The following NME7 variants were observed in gnomAD, a reference collection of about 807,000 sequenced individuals.
NME7 encodes the protein NME/NM23 family member 7.
Under a neutral mutation model 49.1 loss-of-function variants are expected in NME7, and 41 were observed. The ratio of observed to expected loss-of-function variants is 0.83; its 90% CI spans 0.65 to 1.08. The LOEUF (loss-of-function observed/expected upper bound fraction) is 1.08, where lower values mean the gene tolerates loss of function less well. NME7 is among the 50% of genes least tolerant of loss of function. The probability of loss-of-function intolerance (pLI) is 0.00; values close to 1 mark genes in which losing one functional copy is unlikely to be tolerated. For synonymous variants in NME7, 139 were observed against 150.6 expected, an observed-to-expected ratio of 0.92 and a Z score of 0.56; for missense variants, 423 against 463.4, an observed-to-expected ratio of 0.91 and a Z score of 0.80.
chr1:169,132,858 T>G (rs531921415), intron 11 of NME7, 41 bp from the exon 12 acceptor site: 2 of 1,606,084 alleles, frequency 1.2e-6, no homozygotes, highest in African/African-American at 1.3e-5. Flanking sequence ...TCAGACAAAT[T>G]TTGGTCTTTT....
At chr1:169,343,243 G>A (rs1434630275) in intron 1 of NME7, among the ~76,000 whole-genome samples, 1 of 151,692 alleles carries the variant, frequency 6.6e-6, no homozygotes, top group Non-Finnish European at 1.5e-5. Flanking sequence ...TATAGTTATA[G>A]CCCTTACATT....
chr1:169,317,963 T>G (rs1389926042), intron 3 of NME7, among the ~76,000 whole-genome samples: 1 of 152,178 alleles, frequency 6.6e-6, no homozygotes, highest in Non-Finnish European at 1.5e-5. Flanking sequence ...AAGTAGGGGA[T>G]AGTGTACAAG....
chr1:169,222,380 T>C (rs1359063261), intron 10 of NME7, among the ~76,000 whole-genome samples: 2 of 152,178 alleles, frequency 1.3e-5, no homozygotes, highest in African/African-American at 4.8e-5. Context: ...GCATGAATGA[T>C]TGAAGGGCAA....
intron 7 of NME7, among the ~76,000 whole-genome samples, chr1:169,251,786 C>A (rs893383993): frequency 6.7e-6 from 1 of 148,390 alleles, no homozygotes; most frequent in Non-Finnish European, 1.5e-5. Context: ...GTTCAATTCC[C>A]ACCTATGAGT....
chr1:169,236,504 T>A (rs1468443769), intron 8 of NME7, among the ~76,000 whole-genome samples: 1 of 152,154 alleles, frequency 6.6e-6, no homozygotes, highest in Non-Finnish European at 1.5e-5. Flanking sequence ...TATGCTAAAC[T>A]GTAGATCTAG....
chr1:169,307,665 G>T (rs147287867), intron 4 of NME7, among the ~76,000 whole-genome samples: 1 of 152,152 alleles, frequency 6.6e-6, no homozygotes, highest in African/African-American at 2.4e-5. Flanking sequence ...GACACTAGAA[G>T]TATAGAGACA....
intron 11 of NME7, chr1:169,169,038 T>G (rs1659499608): frequency 2.3e-6 from 1 of 442,392 alleles, no homozygotes; most frequent in African/African-American, 2.1e-5. Context: ...TTCACAGAAT[T>G]TAATTATTTT....
chr1:169,207,117 G>T (rs899421255), intron 10 of NME7, among the ~76,000 whole-genome samples: 1 of 152,044 alleles, frequency 6.6e-6, no homozygotes, highest in African/African-American at 2.4e-5. Context: ...TCTGATGAGG[G>T]CCTCAGGCTG....
At chr1:169,145,036 T>C (rs1658707819) in intron 11 of NME7, among the ~76,000 whole-genome samples, 1 of 152,212 alleles carries the variant, frequency 6.6e-6, no homozygotes, top group African/African-American at 2.4e-5. Flanking sequence ...TGTGCTACTA[T>C]TGTATAACGT....
At chr1:169,227,394 G>C (rs1355048387) in intron 10 of NME7, among the ~76,000 whole-genome samples, 1 of 152,102 alleles carries the variant, frequency 6.6e-6, no homozygotes, top group Non-Finnish European at 1.5e-5. Context: ...CCTGACATTT[G>C]TCACATATCT....
At chr1:169,293,518 G>A (rs531456408) in intron 6 of NME7, among the ~76,000 whole-genome samples, 2 of 152,138 alleles carry the variant, frequency 1.3e-5, no homozygotes, top group African/African-American at 4.8e-5. Context: ...GTCATCTCTT[G>A]AGCACTCTAG....
chr1:169,147,654 A>G (rs1425227317), intron 11 of NME7, among the ~76,000 whole-genome samples: 1 of 152,238 alleles, frequency 6.6e-6, no homozygotes, highest in African/African-American at 2.4e-5. Flanking sequence ...ATGCAAATAA[A>G]TTTAATAGCA....
At chr1:169,280,699 T>C (rs1033887944) in intron 7 of NME7, among the ~76,000 whole-genome samples, 1 of 147,840 alleles carries the variant, frequency 6.8e-6, no homozygotes, top group Non-Finnish European at 1.5e-5. Context: ...CAACACTATT[T>C]ATTAAATAGG....
intron 11 of NME7, among the ~76,000 whole-genome samples, chr1:169,165,171 T>A (rs1022828685): frequency 6.6e-6 from 1 of 152,140 alleles, no homozygotes; most frequent in Non-Finnish European, 1.5e-5. Context: ...GAAAACAAAT[T>A]TCTGTATTCA....
chr1:169,290,337 A>C (rs1650448918), intron 6 of NME7, among the ~76,000 whole-genome samples: 1 of 152,198 alleles, frequency 6.6e-6, no homozygotes, highest in African/African-American at 2.4e-5. Flanking sequence ...ATGGAACAGA[A>C]CAGAGGCCTC....
chr1:169,221,827 T>C (rs1211320325), intron 10 of NME7, among the ~76,000 whole-genome samples: 2 of 152,062 alleles, frequency 1.3e-5, no homozygotes, highest in African/African-American at 4.8e-5. Flanking sequence ...TACAGGCATG[T>C]GCCACCATGC....
intron 5 of NME7, among the ~76,000 whole-genome samples, chr1:169,300,675 T>C (rs1162049664): frequency 6.6e-6 from 1 of 151,938 alleles, no homozygotes; most frequent in Non-Finnish European, 1.5e-5. Context: ...ACTACCAAAA[T>C]AGTTTAAAAG....
rs1292405902 is a variant in NME7 at position 169,258,440 on chromosome 1, A to G, written c.755-20753T>C. Among the ~76,000 whole-genome samples, 7 of 115,610 alleles carry G rather than the reference A, an allele frequency of 6.1e-5. 1 individual carries two copies. The highest frequency in any genetic ancestry group is 1.1e-4 in the Non-Finnish European group (6 of 52,812). The allele number at this position is 115,610 out of a possible 152,430, so 75.8% of individuals were successfully genotyped here. A position where few individuals can be genotyped will look rare whatever the true frequency, so the allele number is the denominator to read the frequency against. On this transcript the variant is annotated intron_variant, in intron 7 of 11. Transcript: ENST00000367811. Reference sequence around the variant, plus strand: ...CACACACACATACACACACACATATATCTTCTCATTCTCAAAGTTAGCCTT... The same window carrying G: ...CACACACACATACACACACACATATGTCTTCTCATTCTCAAAGTTAGCCTT...
At chr1:169,183,717 G>C (rs1028850655) in intron 10 of NME7, among the ~76,000 whole-genome samples, 1 of 152,098 alleles carries the variant, frequency 6.6e-6, no homozygotes, top group Non-Finnish European at 1.5e-5. Flanking sequence ...CAGGAGAATG[G>C]CGTGAACCCG....
Sources: allele counts gnomAD v4.1 joint callset (sites outside exome capture counted in the v4.1 genomes callset), GRCh38; gene constraint gnomAD v4.1.1; transcripts MANE v1.5; gene names NCBI Gene and HGNC (gene_info 2026-07-23, HGNC 2026-07-21).